WARS2: variants seen among roughly 807,000 people sequenced by gnomAD.
WARS2 encodes tryptophanyl tRNA synthetase 2, mitochondrial.
WARS2 carries 28 observed loss-of-function variants against 36.5 expected under a neutral mutation model. The observed-to-expected ratio is 0.77, with a 90% CI of 0.57 to 1.05. The LOEUF (loss-of-function observed/expected upper bound fraction) is 1.05. Ranked by LOEUF, WARS2 falls within the 50% of genes least tolerant of loss-of-function variation. The probability of loss-of-function intolerance (pLI) is 0.00; values close to 1 mark genes in which losing one functional copy is unlikely to be tolerated. For synonymous variants in WARS2, 174 were observed against 178.4 expected (o/e 0.98, Z 0.20); for missense variants, 435 against 456.8 (o/e 0.95, Z 0.44).
chr1:119,085,104 C>T (rs1652524709), intron 1 of WARS2: 1 of 778,514 alleles, frequency 1.3e-6, no homozygotes, highest in Admixed American at 1.7e-5. Flanking sequence ...ACTTCTATGA[C>T]TACGCCCTTC....
chr1:119,058,251 C>T (rs1650009181), intron 2 of WARS2, among the ~76,000 whole-genome samples: 1 of 151,672 alleles, frequency 6.6e-6, no homozygotes, highest in South Asian at 2.1e-4. Context: ...GCTTTGAACC[C>T]TTCATTGAAA....
At chr1:119,130,120 T>C (rs1211288723) in intron 1 of WARS2, among the ~76,000 whole-genome samples, 1 of 150,134 alleles carries the variant, frequency 6.7e-6, no homozygotes, top group Non-Finnish European at 1.5e-5. Context: ...GTTGCTTAAA[T>C]GGGACTTAAG....
intron 4 of WARS2, among the ~76,000 whole-genome samples, chr1:119,035,666 A>C (rs1197875204): frequency 1.3e-5 from 2 of 152,164 alleles, no homozygotes; most frequent in Non-Finnish European, 2.9e-5. Context: ...ACATACCACA[A>C]ATAGTAATGC....
intron 2 of WARS2, among the ~76,000 whole-genome samples, chr1:119,070,784 T>A (rs1034582487): frequency 1.3e-5 from 2 of 151,998 alleles, no homozygotes; most frequent in South Asian, 4.1e-4. Flanking sequence ...CTAATAAGCA[T>A]TTTTTTATAA....
At chr1:119,083,820 G>A (rs1470628183) in intron 1 of WARS2, among the ~76,000 whole-genome samples, 1 of 152,078 alleles carries the variant, frequency 6.6e-6, no homozygotes, top group Non-Finnish European at 1.5e-5. Flanking sequence ...TAAATGTAGT[G>A]CAAAATATTT....
chr1:119,059,034 T>C (rs1241814368), intron 2 of WARS2, among the ~76,000 whole-genome samples: 1 of 152,120 alleles, frequency 6.6e-6, no homozygotes, highest in Non-Finnish European at 1.5e-5. Context: ...CATTGTGGTT[T>C]TGATTTGCAT....
chr1:119,122,173 A>C (rs1368344001), intron 1 of WARS2, among the ~76,000 whole-genome samples: 2 of 152,214 alleles, frequency 1.3e-5, no homozygotes, highest in African/African-American at 4.8e-5. Flanking sequence ...CAGAATCTAC[A>C]AAGAACTCAA....
intron 2 of WARS2, among the ~76,000 whole-genome samples, chr1:119,075,960 T>C (rs2101314979): frequency 6.6e-6 from 1 of 152,274 alleles, no homozygotes; most frequent in South Asian, 2.1e-4. Flanking sequence ...TAAAGCAACA[T>C]TGGAATTACA....
intron 2 of WARS2, among the ~76,000 whole-genome samples, chr1:119,062,193 G>A (rs1301541368): frequency 2.6e-5 from 4 of 152,128 alleles, no homozygotes; most frequent in Non-Finnish European, 5.9e-5. Flanking sequence ...AATACCTCCT[G>A]GAGCTAGCTG....
At chr1:119,045,356 A>C (rs1359063849) in intron 3 of WARS2, among the ~76,000 whole-genome samples, 1 of 152,196 alleles carries the variant, frequency 6.6e-6, no homozygotes, top group Non-Finnish European at 1.5e-5. Context: ...ACTCTGATTC[A>C]ACTGTACACA....
intron 1 of WARS2, among the ~76,000 whole-genome samples, chr1:119,135,751 T>C (rs28631392): frequency 3.7e-5 from 4 of 109,224 alleles, no homozygotes; most frequent in Non-Finnish European, 7.9e-5. Context: ...GATAGATAGA[T>C]AGAGAGATAG....
At chr1:119,136,167 T>A (rs1477556812) in intron 1 of WARS2, among the ~76,000 whole-genome samples, 8 of 152,160 alleles carry the variant, frequency 5.3e-5, no homozygotes, top group Non-Finnish European at 1.0e-4. Context: ...TAGAAGCTTC[T>A]GCAGACAGCT....
chr1:119,140,608 A>C lies in WARS2; in HGVS notation c.37T>G (p.Trp13Gly), dbSNP rs139548132. 5,791 of 1,613,944 alleles carry C rather than the reference A, an allele frequency of 3.6e-3. 22 individuals are homozygous for C. The highest frequency in any genetic ancestry group is 7.8e-3 in the Middle Eastern group (47 of 6,060). ...TTATGAAGTGCCCGGATGAAGCTCCAGCGCTCACGCGCTTTCCGCATTGAG... is the reference window on the plus strand; with the variant it reads ...TTATGAAGTGCCCGGATGAAGCTCCCGCGCTCACGCGCTTTCCGCATTGAG... The part of the protein sequence containing the change: ...LHSMRKARER[W>G]SFIRALHKGS... The change falls in exon 1 of 6, where the codon TGG becomes GGG. Residue 13 changes from tryptophan (W) to glycine (G), a missense_variant. Physicochemically the swap from Trp to Gly is radical, Grantham distance 184 (BLOSUM62 -2). Coordinates refer to ENST00000235521, the MANE Select transcript of WARS2 (RefSeq NM_015836.4).
chr1:119,103,463 A>G (rs1376979253), intron 1 of WARS2, among the ~76,000 whole-genome samples: 1 of 152,134 alleles, frequency 6.6e-6, no homozygotes, highest in Non-Finnish European at 1.5e-5. Context: ...CATACCTAGT[A>G]GTTAATAATA....
At chr1:119,092,534 C>G (rs760436894) in intron 1 of WARS2, among the ~76,000 whole-genome samples, 4 of 152,126 alleles carry the variant, frequency 2.6e-5, no homozygotes, top group African/African-American at 9.7e-5. Flanking sequence ...CAACTCTCCC[C>G]GATTCTGCAC....
Position 119,032,595 on chromosome 1 carries a change from C to T in WARS2, c.*316G>A. The T allele has an allele frequency of 2.9e-6, 1 of 342,544 alleles. No homozygotes were observed. The highest frequency in any genetic ancestry group is 5.3e-6 in the Non-Finnish European group (1 of 187,478). The allele number at this position is 342,544 out of a possible 1,614,324, so 21.2% of individuals were successfully genotyped here. On this transcript the variant is annotated 3_prime_UTR_variant, in exon 6 of 6. Coordinates refer to ENST00000235521, the MANE Select transcript of WARS2 (RefSeq NM_015836.4). ...ACTCCAGAGAGAAGCACAAATGATA[C>T]TCCATTTCCCAAATTACTCCTTACT... is the stretch of plus-strand genomic sequence containing the variant.
intron 1 of WARS2, among the ~76,000 whole-genome samples, chr1:119,106,450 C>T (rs1183762201): frequency 6.6e-6 from 1 of 152,156 alleles, no homozygotes; most frequent in Non-Finnish European, 1.5e-5. Context: ...CCTAAGAATC[C>T]TCTGTGCTGT....
intron 1 of WARS2, among the ~76,000 whole-genome samples, chr1:119,097,528 A>G (rs1054420065): frequency 1.3e-5 from 2 of 152,190 alleles, no homozygotes; most frequent in Non-Finnish European, 2.9e-5. Flanking sequence ...AAATTTCAAT[A>G]TATCTTTTAA....
At chr1:119,090,931 G>A (rs1399700022) in intron 1 of WARS2, among the ~76,000 whole-genome samples, 2 of 152,092 alleles carry the variant, frequency 1.3e-5, no homozygotes, top group African/African-American at 4.8e-5. Context: ...GCATATGGTG[G>A]TCTGATTGAA....
Sources: gnomAD v4.1 joint callset for allele counts (sites outside exome capture counted in the v4.1 genomes callset) on GRCh38, gnomAD v4.1.1 for gene constraint, MANE v1.5 for transcripts, NCBI Gene and HGNC (gene_info 2026-07-23, HGNC 2026-07-21) for gene names.